The following INPP4B variants were observed in gnomAD, a reference collection of about 807,000 sequenced individuals.
INPP4B encodes the protein inositol polyphosphate-4-phosphatase type II B, also known as inositol polyphosphate 4-phosphatase type II.
Under a neutral mutation model 122.5 loss-of-function variants are expected in INPP4B, and 55 were observed. That is an observed-to-expected ratio of 0.45 (90% CI 0.36 to 0.56). The LOEUF (loss-of-function observed/expected upper bound fraction) is 0.56, where lower values mean the gene tolerates loss of function less well. Among genes scored for constraint, INPP4B ranks in the 20% least tolerant of loss-of-function variants. The probability of loss-of-function intolerance (pLI) is 0.00; values close to 1 mark genes in which losing one functional copy is unlikely to be tolerated. For missense variants in INPP4B, 1,000 were observed against 1,097.7 expected (o/e 0.91, Z 1.26); for synonymous variants, 403 against 388.7 (o/e 1.04, Z -0.43).
At chr4:142,330,520 C>T (rs530153629) in intron 7 of INPP4B, among the ~76,000 whole-genome samples, 3 of 152,286 alleles carry the variant, frequency 2.0e-5, no homozygotes, top group African/African-American at 7.2e-5. Flanking sequence ...CATACACACA[C>T]GCATATGTGC....
intron 1 of INPP4B, among the ~76,000 whole-genome samples, chr4:142,829,552 G>C (rs1324669657): frequency 1.3e-5 from 2 of 151,950 alleles, no homozygotes; most frequent in African/African-American, 2.4e-5. Flanking sequence ...ACTATTCCTT[G>C]TGGTTAGCCT....
At chr4:142,354,790 C>G (rs1783033129) in intron 7 of INPP4B, among the ~76,000 whole-genome samples, 1 of 151,962 alleles carries the variant, frequency 6.6e-6, no homozygotes. Context: ...TTCGCATATT[C>G]CAGAGATTAG....
At chr4:142,047,319 A>T (rs1752076957) in intron 25 of INPP4B, among the ~76,000 whole-genome samples, 1 of 152,118 alleles carries the variant, frequency 6.6e-6, no homozygotes, top group South Asian at 2.1e-4. Context: ...GTTGCACATC[A>T]GTCAGAAATG....
intron 2 of INPP4B, among the ~76,000 whole-genome samples, chr4:142,715,690 G>A (rs1370969903): frequency 6.6e-6 from 1 of 152,200 alleles, no homozygotes; most frequent in Non-Finnish European, 1.5e-5. Context: ...AGCTCTGGGA[G>A]AAGTTAGGGT....
intron 12 of INPP4B, among the ~76,000 whole-genome samples, chr4:142,220,218 T>A (rs1349720448): frequency 6.6e-6 from 1 of 152,134 alleles, no homozygotes; most frequent in Non-Finnish European, 1.5e-5. Context: ...GAGTACAGTT[T>A]CTCCTATGAA....
chr4:142,673,346 A>T (rs1015683556), intron 2 of INPP4B, among the ~76,000 whole-genome samples: 3 of 152,078 alleles, frequency 2.0e-5, no homozygotes, highest in Non-Finnish European at 4.4e-5. Context: ...GTTCAGAGAA[A>T]GTCCTATTAT....
intron 19 of INPP4B, 134 bp downstream of exon 19, chr4:142,124,454 G>T: frequency 1.4e-6 from 1 of 740,370 alleles, no homozygotes; most frequent in Non-Finnish European, 2.2e-6. Context: ...TCGTGAATAA[G>T]AAACATGGGA....
chr4:142,092,275 A>C (rs1340577948), intron 23 of INPP4B, among the ~76,000 whole-genome samples: 1 of 152,074 alleles, frequency 6.6e-6, no homozygotes, highest in African/African-American at 2.4e-5. Flanking sequence ...TAAAATACAA[A>C]GGAGATATTG....
chr4:142,307,911 T>C (rs1203770658), intron 8 of INPP4B, among the ~76,000 whole-genome samples: 1 of 152,092 alleles, frequency 6.6e-6, no homozygotes, highest in Non-Finnish European at 1.5e-5. Context: ...GCAGTCTTTT[T>C]GGCAATAAAA....
At chr4:142,129,772 T>C (rs1418008950) in intron 18 of INPP4B, among the ~76,000 whole-genome samples, 2 of 152,198 alleles carry the variant, frequency 1.3e-5, no homozygotes, top group East Asian at 3.8e-4. Flanking sequence ...GATACAGGAA[T>C]TGAGAAATCT....
chr4:142,034,639 A>G (rs997742285), intron 25 of INPP4B, among the ~76,000 whole-genome samples: 5 of 151,966 alleles, frequency 3.3e-5, no homozygotes, highest in Admixed American at 3.3e-4. Flanking sequence ...GTCTACCTTC[A>G]TACACATCAA....
At chr4:142,656,828 G>T (rs532793249) in intron 2 of INPP4B, among the ~76,000 whole-genome samples, 1 of 152,060 alleles carries the variant, frequency 6.6e-6, no homozygotes, top group Admixed American at 6.6e-5. Context: ...TTTTTACTGG[G>T]TTAGGCCCCC....
chr4:142,272,478 G>A (rs976822638), intron 9 of INPP4B, among the ~76,000 whole-genome samples: 6 of 151,948 alleles, frequency 3.9e-5, no homozygotes, highest in Non-Finnish European at 1.5e-5. Flanking sequence ...AATGCTTCTT[G>A]GTGATTTTGA....
intron 1 of INPP4B, among the ~76,000 whole-genome samples, chr4:142,778,533 C>T (rs893862639): frequency 2.6e-5 from 4 of 152,118 alleles, no homozygotes; most frequent in Non-Finnish European, 4.4e-5. Context: ...TTACCCTTCT[C>T]TTAATAAACC....
At chr4:142,094,646 C>T (rs1285556099) in intron 23 of INPP4B, among the ~76,000 whole-genome samples, 2 of 152,134 alleles carry the variant, frequency 1.3e-5, no homozygotes, top group East Asian at 1.9e-4. Flanking sequence ...CAAGGGCTCA[C>T]CTTTTCCATG....
chr4:142,070,671 C>T (rs182590109), intron 25 of INPP4B, among the ~76,000 whole-genome samples: 6 of 152,190 alleles, frequency 3.9e-5, no homozygotes, highest in Admixed American at 1.3e-4. Flanking sequence ...GCAAAAATCA[C>T]AAGCATTCCT....
chr4:142,526,085 A>G (rs1826874135), intron 2 of INPP4B, among the ~76,000 whole-genome samples: 1 of 152,058 alleles, frequency 6.6e-6, no homozygotes, highest in Non-Finnish European at 1.5e-5. Context: ...AAATGAAAGT[A>G]ATAATAGCCT....
intron 16 of INPP4B, among the ~76,000 whole-genome samples, chr4:142,170,393 G>C (rs536845149): frequency 6.6e-6 from 1 of 151,670 alleles, no homozygotes; most frequent in South Asian, 2.1e-4. Context: ...AATTTTAATA[G>C]TACTCCTTCC....
chr4:142,709,192 C>A (rs1580749158), intron 2 of INPP4B, among the ~76,000 whole-genome samples: 1 of 152,284 alleles, frequency 6.6e-6, no homozygotes, highest in East Asian at 1.9e-4. Context: ...CCTATACTCC[C>A]ATTGTATCTT....
Sources: allele counts gnomAD v4.1 joint callset (sites outside exome capture counted in the v4.1 genomes callset), GRCh38; gene constraint gnomAD v4.1.1; transcripts MANE v1.5; gene names NCBI Gene and HGNC (gene_info 2026-07-23, HGNC 2026-07-21).